The following LRRFIP2 variants were observed in gnomAD, a reference collection of about 807,000 sequenced individuals.
LRRFIP2 encodes the protein LRR binding FLII interacting protein 2.
LRRFIP2 carries 109 observed loss-of-function variants against 125.9 expected under a neutral mutation model. The observed-to-expected ratio is 0.87, with a 90% confidence interval of 0.74 to 1.01. The LOEUF is 1.01. Ranked by LOEUF, LRRFIP2 falls within the 50% of genes least tolerant of loss-of-function variation. LRRFIP2 has a pLI of 0.00. For missense variants in LRRFIP2, 850 were observed against 862.3 expected, an observed-to-expected ratio of 0.99 and a Z score of 0.18; for synonymous variants, 291 against 293.1, an observed-to-expected ratio of 0.99 and a Z score of 0.07.
intron 20 of LRRFIP2, among the ~76,000 whole-genome samples, chr3:37,073,295 T>C (rs908763066): frequency 5.3e-5 from 8 of 152,344 alleles, no homozygotes; most frequent in Admixed American, 5.2e-4. Flanking sequence ...AACAAGCAGT[T>C]TTGAATTTTA....
intron 19 of LRRFIP2, among the ~76,000 whole-genome samples, chr3:37,079,003 T>C (rs2092386813): frequency 6.6e-6 from 1 of 152,180 alleles, no homozygotes; most frequent in Non-Finnish European, 1.5e-5. Flanking sequence ...TCACAACCAA[T>C]TCCTTTTTTT....
In LRRFIP2 at chr3:37,065,943, C is replaced by T; in HGVS notation, c.1567-1G>A. ...CGGGGATTATAACTAAGCCATGTTTCTGCAGGGGGGAAAAACCCACCATCA... is the reference window on the plus strand; with the variant it reads ...CGGGGATTATAACTAAGCCATGTTTTTGCAGGGGGGAAAAACCCACCATCA... On this transcript the variant is annotated splice_acceptor_variant, in intron 22 of 27. Transcript: ENST00000336686. LOFTEE classifies it high-confidence loss of function. 2 of 1,614,096 alleles carry T rather than the reference C, an allele frequency of 1.2e-6. No homozygotes were observed. The highest frequency in any genetic ancestry group is 1.7e-6 in the Non-Finnish European group (2 of 1,179,970).
intron 1 of LRRFIP2, among the ~76,000 whole-genome samples, chr3:37,162,004 C>T (rs1023888073): frequency 6.6e-6 from 1 of 151,258 alleles, no homozygotes; most frequent in African/African-American, 2.4e-5. Flanking sequence ...ATGGCAAAAC[C>T]TCCTCTCATC....
chr3:37,103,796 T>G (rs1163493636), intron 14 of LRRFIP2, among the ~76,000 whole-genome samples: 2 of 152,228 alleles, frequency 1.3e-5, no homozygotes, highest in Non-Finnish European at 2.9e-5. Context: ...GTTTCTTTAC[T>G]AGCTTATTTT....
At chr3:37,066,401 A>G in intron 21 of LRRFIP2, 76 bp from the exon 22 acceptor site, 1 of 1,121,024 alleles carries the variant, frequency 8.9e-7, no homozygotes, top group Non-Finnish European at 1.4e-6. Context: ...GAAGTACCTA[A>G]TTCAAATAAG....
At chr3:37,083,130 C>T (rs1337049381) in intron 19 of LRRFIP2, among the ~76,000 whole-genome samples, 1 of 152,152 alleles carries the variant, frequency 6.6e-6, no homozygotes, top group Admixed American at 6.5e-5. Flanking sequence ...AACATTACAA[C>T]TTATAAACCT....
intron 19 of LRRFIP2, among the ~76,000 whole-genome samples, chr3:37,081,252 A>AAAATT (rs1249236253): frequency 6.6e-6 from 1 of 152,246 alleles, no homozygotes; most frequent in Non-Finnish European, 1.5e-5. Flanking sequence ...TAAAAACAAT[A>AAAATT]AAATTAAATT....
intron 1 of LRRFIP2, among the ~76,000 whole-genome samples, chr3:37,156,673 C>CAAAAA (rs59647339): frequency 0.02 from 604 of 30,636 alleles, 42 homozygotes; most frequent in Non-Finnish European, 0.023. Context: ...GACTCAGTAT[C>CAAAAA]AAAAAAAAAA....
intron 21 of LRRFIP2, chr3:37,068,809 G>A (rs2090634624): frequency 1.3e-5 from 2 of 152,246 alleles, no homozygotes; most frequent in East Asian, 3.9e-4. Context: ...AAATATCTTT[G>A]GTCAGAATGG....
At chr3:37,149,720 G>A (rs1438424052) in intron 1 of LRRFIP2, among the ~76,000 whole-genome samples, 1 of 151,996 alleles carries the variant, frequency 6.6e-6, no homozygotes, top group African/African-American at 2.4e-5. Context: ...CCATGACAAC[G>A]TCAGGCACGG....
intron 1 of LRRFIP2, among the ~76,000 whole-genome samples, chr3:37,159,863 GA>G (rs2096286989): frequency 6.6e-5 from 10 of 150,426 alleles, no homozygotes; most frequent in Admixed American, 6.6e-4. Flanking sequence ...AGAAGGGGAG[GA>G]AAAAAAGGCA....
intron 2 of LRRFIP2, among the ~76,000 whole-genome samples, chr3:37,135,983 A>T (rs1359667033): frequency 1.3e-5 from 2 of 152,254 alleles, no homozygotes; most frequent in Non-Finnish European, 2.9e-5. Flanking sequence ...AAAACCTGTA[A>T]ATGAATGTTC....
intron 2 of LRRFIP2, among the ~76,000 whole-genome samples, chr3:37,133,060 C>T (rs1350689052): frequency 6.6e-6 from 1 of 151,686 alleles, no homozygotes; most frequent in African/African-American, 2.4e-5. Flanking sequence ...CCCGTCTCTA[C>T]TAAAAATGGA....
At chr3:37,054,762 T>C (rs555819405) in intron 26 of LRRFIP2, among the ~76,000 whole-genome samples, 2 of 152,360 alleles carry the variant, frequency 1.3e-5, no homozygotes, top group Admixed American at 6.5e-5. Context: ...TATGACCATA[T>C]TGTTTAAGTG....
chr3:37,066,179 A>G (rs774578318), intron 22 of LRRFIP2, 45 bp downstream of exon 22: 1 of 1,498,886 alleles, frequency 6.7e-7, no homozygotes, highest in South Asian at 1.1e-5. Context: ...GAAGATAGAG[A>G]GTAAAACAGT....
At chr3:37,094,083 T>G (rs2093604717) in intron 17 of LRRFIP2, among the ~76,000 whole-genome samples, 1 of 152,208 alleles carries the variant, frequency 6.6e-6, no homozygotes, top group African/African-American at 2.4e-5. Flanking sequence ...TATTGGTTTG[T>G]ATCAGTTTGT....
chr3:37,169,228 T>A (rs1256810603), intron 1 of LRRFIP2, among the ~76,000 whole-genome samples: 1 of 152,206 alleles, frequency 6.6e-6, no homozygotes, highest in Admixed American at 6.5e-5. Context: ...AATGACTGTA[T>A]TTTACCATAA....
At chr3:37,092,128 A>C (rs2093475872) in intron 17 of LRRFIP2, among the ~76,000 whole-genome samples, 1 of 152,232 alleles carries the variant, frequency 6.6e-6, no homozygotes, top group Non-Finnish European at 1.5e-5. Flanking sequence ...TATCCTGAGG[A>C]TACCATTTAA....
In LRRFIP2 at chr3:37,109,197, AC is replaced by A. The variant is rs2094459207; in HGVS notation, c.609+329del. 2.6e-5 allele frequency among the ~76,000 whole-genome samples: 4 copies of A among 152,308 alleles called. No individual in the cohort carries two copies. In the South Asian group the frequency reaches 8.3e-4, roughly 32 times the overall value. ...CCTAGTATCAGAGGCCAAGATCATA[AC>A]TGTCCCAAAGAAAAACAATATCCTT... On this transcript the variant is annotated intron_variant, in intron 11 of 27. Transcript: ENST00000336686.
Sources: allele counts gnomAD v4.1 joint callset (sites outside exome capture counted in the v4.1 genomes callset), GRCh38; gene constraint gnomAD v4.1.1; transcripts MANE v1.5; gene names NCBI Gene and HGNC (gene_info 2026-07-23, HGNC 2026-07-21).